CALD1: variants seen among roughly 807,000 people sequenced by gnomAD.
CALD1 encodes the protein caldesmon 1, also known as caldesmon.
CALD1 carries 33 observed loss-of-function variants against 99.9 expected under a neutral mutation model. The observed-to-expected ratio is 0.33, with a 90% CI of 0.25 to 0.44. The LOEUF is 0.44. CALD1 is among the 20% of genes least tolerant of loss of function. CALD1 has a pLI of 1.00. For missense variants in CALD1, 861 were observed against 962.1 expected, an observed-to-expected ratio of 0.89 and a Z score of 1.39; for synonymous variants, 310 against 325.0, an observed-to-expected ratio of 0.95 and a Z score of 0.50.
At position 134,914,670 on chromosome 7, in the gene CALD1, CCATATT is replaced by C. The variant is rs574738883; in HGVS notation, c.72-14083_72-14078del. Among the ~76,000 whole-genome samples the C allele has an allele frequency of 3.1e-3, 469 of 152,296 alleles. 4 individuals carry two copies. The highest frequency in any genetic ancestry group is 0.011 in the African/African-American group (437 of 41,576). Reference sequence around the variant, plus strand: ...GATGGAATTGTGTGCTTTTCCATAACCATATTTCCCGATTCTGCAACCTTGCTATTT... The same window carrying C: ...GATGGAATTGTGTGCTTTTCCATAACTCCCGATTCTGCAACCTTGCTATTT... On this transcript the variant is annotated intron_variant, in intron 3 of 14. Transcript: ENST00000361675.
chr7:134,782,905 T>C (rs1428499146), intron 1 of CALD1, among the ~76,000 whole-genome samples: 1 of 152,222 alleles, frequency 6.6e-6, no homozygotes, highest in African/African-American at 2.4e-5. Context: ...TCTATCCCAA[T>C]GTTGTCTGAA....
At chr7:134,942,370 G>A (rs1479402255) in intron 7 of CALD1, among the ~76,000 whole-genome samples, 1 of 152,070 alleles carries the variant, frequency 6.6e-6, no homozygotes, top group African/African-American at 2.4e-5. Flanking sequence ...GATAAATACG[G>A]TTGCCCCAAA....
At chr7:134,958,899 A>AAC (rs1166953848) in intron 11 of CALD1, among the ~76,000 whole-genome samples, 19 of 94,552 alleles carry the variant, frequency 2.0e-4, no homozygotes, top group East Asian at 1.2e-3. Context: ...ATATATATAT[A>AAC]TATATATATA....
At chr7:134,762,715 C>T (rs1445718034) in intron 1 of CALD1, among the ~76,000 whole-genome samples, 5 of 152,010 alleles carry the variant, frequency 3.3e-5, no homozygotes, top group Non-Finnish European at 5.9e-5. Flanking sequence ...AAACAGATCT[C>T]GAGAGCACTC....
At chr7:134,719,222 G>T in the CALD1 span, among the ~76,000 whole-genome samples, 1 of 151,976 alleles carries the variant, frequency 6.6e-6, no homozygotes, top group Non-Finnish European at 1.5e-5. Context: ...ATTGTTTAAA[G>T]AGAAAATTTA....
intron 1 of CALD1, among the ~76,000 whole-genome samples, chr7:134,774,587 T>C (rs934051965): frequency 6.6e-6 from 1 of 152,248 alleles, no homozygotes; most frequent in Non-Finnish European, 1.5e-5. Context: ...TCTGGACTTC[T>C]AACTATTCCT....
At chr7:134,745,994 T>C (rs913063540) in intron 1 of CALD1, among the ~76,000 whole-genome samples, 1 of 152,196 alleles carries the variant, frequency 6.6e-6, no homozygotes, top group South Asian at 2.1e-4. Context: ...GCCACTGCTA[T>C]TAGTTCATGT....
At chr7:134,829,198 A>G (rs1402629123) in intron 1 of CALD1, among the ~76,000 whole-genome samples, 1 of 152,260 alleles carries the variant, frequency 6.6e-6, no homozygotes, top group Non-Finnish European at 1.5e-5. Context: ...ATAAGTAACC[A>G]AACATAAATA....
chr7:134,924,895 G>A (rs761562868), intron 3 of CALD1, among the ~76,000 whole-genome samples: 5 of 152,042 alleles, frequency 3.3e-5, no homozygotes, highest in Non-Finnish European at 7.4e-5. Flanking sequence ...ATAAGGGGGG[G>A]CTCTTCCTCC....
chr7:134,733,243 A>G, the CALD1 span, among the ~76,000 whole-genome samples: 1 of 152,196 alleles, frequency 6.6e-6, no homozygotes, highest in Non-Finnish European at 1.5e-5. Context: ...AGTGCTCAAG[A>G]GCAAACGGCA....
chr7:134,851,013 C>G (rs553628817), intron 2 of CALD1, among the ~76,000 whole-genome samples: 3 of 152,216 alleles, frequency 2.0e-5, no homozygotes, highest in African/African-American at 7.2e-5. Flanking sequence ...GAGGCCTCCC[C>G]AGCCACGTGG....
At chr7:134,792,931 T>C (rs1000753685) in intron 1 of CALD1, among the ~76,000 whole-genome samples, 1 of 152,268 alleles carries the variant, frequency 6.6e-6, no homozygotes, top group Non-Finnish European at 1.5e-5. Context: ...ACATTTACTT[T>C]CTGCCTTTCT....
intron 3 of CALD1, among the ~76,000 whole-genome samples, chr7:134,887,639 T>C (rs190713625): frequency 6.6e-6 from 1 of 151,638 alleles, no homozygotes; most frequent in African/African-American, 2.4e-5. Flanking sequence ...TGTGTGTACA[T>C]GCATGTCTGT....
chr7:134,745,900 A>T (rs969395584), intron 1 of CALD1, among the ~76,000 whole-genome samples: 2 of 151,992 alleles, frequency 1.3e-5, no homozygotes, highest in African/African-American at 2.4e-5. Context: ...GATTTTGGAA[A>T]CCCTTTTGTT....
At chr7:134,711,660 C>CTCTCTCTCTA in the CALD1 span, among the ~76,000 whole-genome samples, 200 of 78,222 alleles carry the variant, frequency 2.6e-3, 1 homozygote, top group Middle Eastern at 5.7e-3. Context: ...CTCTCTCTCT[C>CTCTCTCTCTA]TATATATATA....
In CALD1 at chr7:134,947,414, C is replaced by T. The variant is rs550630025; in HGVS notation, c.1533-94C>T. On this transcript the variant is annotated intron_variant, in intron 7 of 14. Coordinates refer to ENST00000361675, the MANE Select transcript of CALD1 (RefSeq NM_033138.4). The stretch of plus-strand genomic sequence containing the variant: ...TAATGAGAGGCAGTGGGTATTTAGT[C>T]GGGGATGCAGAAGCCGCAGACCGAC... The T allele has an allele frequency of 4.3e-5, 55 of 1,288,332 alleles. No individual in the cohort carries two copies. The South Asian group carries it at 6.2e-4, about 15-fold the overall frequency. The allele number at this position is 1,288,332 out of a possible 1,614,324, so 79.8% of individuals were successfully genotyped here. A position where few individuals can be genotyped will look rare whatever the true frequency, so the allele number is the denominator to read the frequency against.
At chr7:134,919,037 G>C (rs1273577633) in intron 3 of CALD1, among the ~76,000 whole-genome samples, 1 of 152,150 alleles carries the variant, frequency 6.6e-6, no homozygotes, top group Non-Finnish European at 1.5e-5. Flanking sequence ...AAACAAAGTA[G>C]TCATGTACCA....
At chr7:134,859,785 T>C (rs919948084) in intron 2 of CALD1, among the ~76,000 whole-genome samples, 2 of 152,210 alleles carry the variant, frequency 1.3e-5, no homozygotes, top group Admixed American at 6.5e-5. Flanking sequence ...CACTTGAAGA[T>C]GCAACCTAAA....
intron 1 of CALD1, among the ~76,000 whole-genome samples, chr7:134,790,814 T>C (rs914922254): frequency 6.6e-6 from 1 of 152,234 alleles, no homozygotes; most frequent in African/African-American, 2.4e-5. Flanking sequence ...TTCCCTGACA[T>C]TAGGCACTAA....
Sources: allele counts gnomAD v4.1 joint callset (sites outside exome capture counted in the v4.1 genomes callset), GRCh38; gene constraint gnomAD v4.1.1; transcripts MANE v1.5; gene names NCBI Gene and HGNC (gene_info 2026-07-23, HGNC 2026-07-21).